Variants in ST3GAL3 observed in about 807,000 individuals in gnomAD.
ST3GAL3 encodes the protein CMP-N-acetylneuraminate-beta-1,4-galactoside alpha-2,3-sialyltransferase.
Under a neutral mutation model 50.1 loss-of-function variants are expected in ST3GAL3, and 21 were observed. The ratio of observed to expected loss-of-function variants is 0.42; its 90% CI spans 0.30 to 0.60. The LOEUF (loss-of-function observed/expected upper bound fraction) is 0.60. ST3GAL3 is among the 20% of genes least tolerant of loss of function. ST3GAL3 has a pLI of 0.19. For missense variants in ST3GAL3, 353 were observed against 489.4 expected (o/e 0.72, Z 2.63); for synonymous variants, 183 against 190.0 (o/e 0.96, Z 0.30).
intron 4 of ST3GAL3, among the ~76,000 whole-genome samples, chr1:43,828,325 G>A (rs965571988): frequency 6.6e-6 from 1 of 152,198 alleles, no homozygotes; most frequent in African/African-American, 2.4e-5. Context: ...GAAAATTTAT[G>A]TGATTTTGGG....
chr1:43,922,015 C>T (rs751032510), intron 11 of ST3GAL3: 35 of 345,972 alleles, frequency 1.0e-4, no homozygotes, highest in Non-Finnish European at 1.5e-4. Flanking sequence ...CCTCTTATTT[C>T]ACTCACCATT....
chr1:43,736,458 C>T, intron 2 of ST3GAL3, 78 bp downstream of exon 2: 8 of 1,613,380 alleles, frequency 5.0e-6, no homozygotes, highest in Middle Eastern at 1.7e-4. Flanking sequence ...GGCTGCGTCT[C>T]ATATTCTTCA....
At chr1:43,876,748 A>G (rs1316305636) in intron 5 of ST3GAL3, among the ~76,000 whole-genome samples, 1 of 152,138 alleles carries the variant, frequency 6.6e-6, no homozygotes, top group Admixed American at 6.5e-5. Context: ...TTGCATGTGG[A>G]TGGACGAATG....
chr1:43,833,498 C>T (rs758863700), intron 4 of ST3GAL3, among the ~76,000 whole-genome samples: 6 of 152,118 alleles, frequency 3.9e-5, no homozygotes, highest in Non-Finnish European at 7.3e-5. Context: ...TACTCAGTGC[C>T]AGCCCTTCTT....
At chr1:43,768,859 C>T (rs1393391643) in intron 2 of ST3GAL3, among the ~76,000 whole-genome samples, 4 of 152,104 alleles carry the variant, frequency 2.6e-5, no homozygotes, top group African/African-American at 4.8e-5. Flanking sequence ...TCAAACAGTT[C>T]CAGAGAACTG....
intron 1 of ST3GAL3, among the ~76,000 whole-genome samples, chr1:43,721,012 A>G (rs114419482): frequency 0.013 from 2,020 of 152,232 alleles, 49 homozygotes; most frequent in African/African-American, 0.047. Context: ...TGGGAGGCCT[A>G]AAGCAGGAGG....
intron 2 of ST3GAL3, among the ~76,000 whole-genome samples, chr1:43,748,920 A>C (rs569782786): frequency 6.6e-6 from 1 of 152,220 alleles, no homozygotes; most frequent in Non-Finnish European, 1.5e-5. Context: ...ATGAAAACAC[A>C]AAGAATCTAG....
At chr1:43,923,601 G>A (rs974196749) in intron 11 of ST3GAL3, among the ~76,000 whole-genome samples, 1 of 152,076 alleles carries the variant, frequency 6.6e-6, no homozygotes, top group African/African-American at 2.4e-5. Context: ...GAAGAGGCAA[G>A]GCAGCTCTCC....
intron 4 of ST3GAL3, among the ~76,000 whole-genome samples, chr1:43,835,718 G>A (rs192057116): frequency 2.0e-5 from 3 of 152,160 alleles, no homozygotes; most frequent in Admixed American, 2.0e-4. Flanking sequence ...TTTCTGCACT[G>A]CACTGTGTTA....
At chr1:43,901,683 CA>C (rs1296965987) in intron 9 of ST3GAL3, among the ~76,000 whole-genome samples, 2 of 152,192 alleles carry the variant, frequency 1.3e-5, no homozygotes, top group African/African-American at 4.8e-5. Flanking sequence ...TTCAAGGTAC[CA>C]GCATTGCAGG....
At chr1:43,921,069 C>G in intron 11 of ST3GAL3, 141 bp downstream of exon 11, 1 of 982,950 alleles carries the variant, frequency 1.0e-6, no homozygotes, top group Non-Finnish European at 1.5e-6. Context: ...CCTACGTGCC[C>G]TCTCCACAGC....
chr1:43,922,927 G>A (rs1230000038), intron 11 of ST3GAL3, among the ~76,000 whole-genome samples: 1 of 151,244 alleles, frequency 6.6e-6, no homozygotes, highest in Non-Finnish European at 1.5e-5. Flanking sequence ...CGGTGAAACC[G>A]CATCTCTACT....
At chr1:43,768,434 C>A (rs566351619) in intron 2 of ST3GAL3, among the ~76,000 whole-genome samples, 46 of 152,202 alleles carry the variant, frequency 3.0e-4, no homozygotes, top group Admixed American at 2.4e-3. Flanking sequence ...GAGCAAGACC[C>A]CATCTCTAAA....
chr1:43,736,852 T>C, intron 2 of ST3GAL3: 1 of 254,220 alleles, frequency 3.9e-6, no homozygotes, highest in Non-Finnish European at 7.8e-6. Flanking sequence ...TACTGAATCT[T>C]TGTAGCCGTT....
At chr1:43,883,421 G>A (rs2075479433) in intron 5 of ST3GAL3, among the ~76,000 whole-genome samples, 2 of 152,172 alleles carry the variant, frequency 1.3e-5, no homozygotes, top group Non-Finnish European at 2.9e-5. Context: ...GAAGAGATGT[G>A]GATATCCACT....
At chr1:43,898,017 C>T (rs1232336517) in intron 6 of ST3GAL3, among the ~76,000 whole-genome samples, 1 of 152,176 alleles carries the variant, frequency 6.6e-6, no homozygotes, top group Non-Finnish European at 1.5e-5. Context: ...TAGGGACGGG[C>T]TCCCGGCAGT....
At chr1:43,922,993 G>C (rs577347457) in intron 11 of ST3GAL3, among the ~76,000 whole-genome samples, 4 of 149,410 alleles carry the variant, frequency 2.7e-5, no homozygotes, top group Non-Finnish European at 5.9e-5. Flanking sequence ...CCCAGCTGAG[G>C]AAGGAGAATG....
At chr1:43,904,791 TCCCCC>T (rs2154276689) in intron 9 of ST3GAL3, among the ~76,000 whole-genome samples, 1 of 117,516 alleles carries the variant, frequency 8.5e-6, no homozygotes, top group Admixed American at 9.5e-5. Context: ...CCACTCTTCC[TCCCCC>T]TCCTCCTGTT....
chr1:43,767,514 A>T (rs1334404370), intron 2 of ST3GAL3, among the ~76,000 whole-genome samples: 1 of 152,200 alleles, frequency 6.6e-6, no homozygotes, highest in Non-Finnish European at 1.5e-5. Flanking sequence ...GATCACATGC[A>T]GAATCAATCC....
Sources: allele counts gnomAD v4.1 joint callset (sites outside exome capture counted in the v4.1 genomes callset), GRCh38; gene constraint gnomAD v4.1.1; transcripts MANE v1.5; gene names NCBI Gene and HGNC (gene_info 2026-07-23, HGNC 2026-07-21).